OR2V1: variants seen among roughly 807,000 people sequenced by gnomAD.
The protein encoded by OR2V1 is olfactory receptor family 2 subfamily V member 1.
A neutral mutation model predicts 15.0 loss-of-function variants in OR2V1; 18 were observed. The ratio of observed to expected loss-of-function variants is 1.20; its 90% CI spans 0.83 to 1.78. The LOEUF is 1.78. Ranked by LOEUF, OR2V1 falls within the 40% of genes most tolerant of loss-of-function variation. The probability of loss-of-function intolerance (pLI) is 0.00; values close to 1 mark genes in which losing one functional copy is unlikely to be tolerated. For synonymous variants in OR2V1, 144 were observed against 146.1 expected (o/e 0.99, Z 0.10); for missense variants, 359 against 392.9 (o/e 0.91, Z 0.73).
At chr5:181,127,213 G>T (rs1762886458) in intron 3 of OR2V1, among the ~76,000 whole-genome samples, 1 of 152,230 alleles carries the variant, frequency 6.6e-6, no homozygotes. Context: ...CCAGAATGGT[G>T]CCTGGCTCAT....
Position 181,124,885 on chromosome 5 carries a change from C to T in OR2V1, c.420G>A (p.Arg140=). Residue 140 remains arginine, a synonymous_variant, in exon 4 of 4, where the codon AGG becomes AGA. Coordinates refer to ENST00000641551, the MANE Select transcript of OR2V1 (RefSeq NM_001258283.2). ...PLHYPILMNQ[R]VCLQITGSSW... ...AGCTCCCAGTAATCTGGAGACAGAC[C>T]CTCTGATTCATGAGGATGGGATAGT... is the stretch of plus-strand genomic sequence containing the variant. The T allele has an allele frequency of 1.9e-6, 3 of 1,612,518 alleles. No individual in the cohort carries two copies. The highest frequency in any genetic ancestry group is 2.2e-5 in the East Asian group (1 of 44,852).
intron 3 of OR2V1, 93 bp downstream of exon 3, chr5:181,129,427 A>G (rs1277440909): frequency 6.6e-6 from 1 of 151,824 alleles, no homozygotes; most frequent in Admixed American, 6.6e-5. Flanking sequence ...ACAGGAGCAA[A>G]TCTGTTCCCA....
chr5:181,124,634 C>T lies in OR2V1; in HGVS notation c.671G>A (p.Gly224Glu), dbSNP rs761677562. 2.0e-5 allele frequency: 33 copies of T among 1,613,544 alleles called. No individual in the cohort carries two copies. The African/African-American group carries it at 2.9e-4, about 14-fold the overall frequency. ...IIMASYACIL[G>E]AVLRIRSAQA... ...AGCAGAGCGTATTCGGAGCACAGCCCCTAGGATGCAAGCATAGGAGGCCAT... is the reference window on the plus strand; with the variant it reads ...AGCAGAGCGTATTCGGAGCACAGCCTCTAGGATGCAAGCATAGGAGGCCAT... Residue 224 changes from glycine to glutamate, a missense_variant, in exon 4 of 4, where the codon GGG becomes GAG. By Grantham distance (98) the Gly-to-Glu change is moderately conservative. Transcript: ENST00000641551.
chr5:181,125,263 G>A lies in OR2V1; in HGVS notation c.42C>T (p.Phe14=). 6.2e-7 allele frequency: 1 copy of A among 1,613,842 alleles called. No homozygotes were observed. The highest frequency in any genetic ancestry group is 2.2e-5 in the East Asian group (1 of 44,890). The change falls in exon 4 of 4, where the codon TTC becomes TTT. Residue 14 remains phenylalanine (F), a synonymous_variant. Transcript: ENST00000641551. ...GGCTGTGGGAAAAGATGCCCAAGAG[G>A]AAGAAGCCATCTGTGTAGGACTGGT... The part of the protein sequence containing the change: ...WVNQSYTDGF[F]LLGIFSHSQT...
chr5:181,125,648 C>T (rs534542742), intron 3 of OR2V1, among the ~76,000 whole-genome samples: 1 of 152,344 alleles, frequency 6.6e-6, no homozygotes, highest in Non-Finnish European at 1.5e-5. Context: ...TCTAACATGC[C>T]TTGGTCTATT....
rs142575121 is a variant in OR2V1 at position 181,125,281 on chromosome 5, G to A, written c.24C>T (p.Ser8=). The change falls in exon 4 of 4, where the codon TCC becomes TCT. Residue 8 remains serine (S), a synonymous_variant. Coordinates refer to ENST00000641551, the MANE Select transcript of OR2V1 (RefSeq NM_001258283.2). The stretch of plus-strand genomic sequence containing the variant: ...CCAAGAGGAAGAAGCCATCTGTGTA[G>A]GACTGGTTCACCCATCTTCCCATGG... MGRWVNQ[S]YTDGFFLLGI... 3.1e-6 allele frequency: 5 copies of A among 1,613,192 alleles called. No homozygotes were observed. In the East Asian group the frequency reaches 1.1e-4, roughly 36 times the overall value.
Position 181,124,375 on chromosome 5 carries a change from C to T in OR2V1, c.930G>A (p.Arg310=). The change falls in exon 4 of 4, where the codon AGG becomes AGA. Residue 310 remains arginine (R), a synonymous_variant. Transcript: ENST00000641551. ...CTGGGGTTCAGTGCTGGCTGCCAAT[C>T]CTGCAGCGGTCCAGCCCCTTCCTCA... is the stretch of plus-strand genomic sequence containing the variant. ...GALRKGLDRC[R]IGSQH is the part of the protein sequence containing the mutation. The T allele has an allele frequency of 6.3e-7, 1 of 1,586,396 alleles. No individual in the cohort carries two copies. The highest frequency in any genetic ancestry group is 8.6e-7 in the Non-Finnish European group (1 of 1,165,550).
chr5:181,125,061 T>A lies in OR2V1; in HGVS notation c.244A>T (p.Met82Leu). ...CTGCCAGACAGGAAGTTGGCTGCCATCTTTGGCACAATGTTACAGACCAAC... is the reference window on the plus strand; with the variant it reads ...CTGCCAGACAGGAAGTTGGCTGCCAACTTTGGCACAATGTTACAGACCAAC... Reference protein sequence around the residue: ...LMLVCNIVPKMAANFLSGRKS... With the variant: ...LMLVCNIVPKLAANFLSGRKS... Residue 82 changes from methionine (M) to leucine (L), a missense_variant, in exon 4 of 4, where the codon ATG becomes TTG. Physicochemically the swap from Met to Leu is conservative, Grantham distance 15 (BLOSUM62 2). Transcript: ENST00000641551. 2 of 1,614,170 alleles carry A rather than the reference T, an allele frequency of 1.2e-6. No homozygotes were observed. Among genetic ancestry groups the A allele is most frequent in the Non-Finnish European group, 1.7e-6 (2 of 1,180,046 alleles).
At chr5:181,127,192 G>A (rs192376514) in intron 3 of OR2V1, among the ~76,000 whole-genome samples, 61 of 152,314 alleles carry the variant, frequency 4.0e-4, no homozygotes, top group Admixed American at 7.2e-4. Flanking sequence ...TCACCATGAC[G>A]TTGGCAGCCC....
Position 181,124,480 on chromosome 5 carries a change from G to C in OR2V1, c.825C>G (p.Ala275=). 6.2e-7 allele frequency: 1 copy of C among 1,614,018 alleles called. No individual in the cohort carries two copies. Among genetic ancestry groups the C allele is most frequent in the Non-Finnish European group, 8.5e-7 (1 of 1,179,976 alleles). Residue 275 remains alanine (A), a synonymous_variant, in exon 4 of 4, where the codon GCC becomes GCG. Transcript: ENST00000641551. The part of the protein sequence containing the change: ...RYRAPSHDKV[A]SIFYTVLTPM... ...GAGTAAGGACTGTGTAGAAGATAGA[G>C]GCCACCTTGTCATGGCTAGGGGCCC...
At chr5:181,125,413 A>G in intron 3 of OR2V1, 88 bp from the exon 4 acceptor site, 1 of 902,344 alleles carries the variant, frequency 1.1e-6, no homozygotes, top group Non-Finnish European at 1.7e-6. Context: ...GCTCTGAGAG[A>G]TGCAGGAGGA....
In OR2V1 at chr5:181,129,557, G is replaced by A. The variant is rs1471033344; in HGVS notation, c.-59C>T. The A allele has an allele frequency of 6.6e-6, 1 of 152,042 alleles. No individual in the cohort carries two copies. Among genetic ancestry groups the A allele is most frequent in the African/African-American group, 2.4e-5 (1 of 41,372 alleles). 9.4% of individuals were successfully genotyped at this position (152,042 alleles called of 1,614,324 possible). A position where few individuals can be genotyped will look rare whatever the true frequency, so the allele number is the denominator to read the frequency against. Reference sequence around the variant, plus strand: ...AGGCACCAGCCACTTGTGCCTCTCAGGACACAGACGGCAAGATCCTGTCTC... The same window carrying A: ...AGGCACCAGCCACTTGTGCCTCTCAAGACACAGACGGCAAGATCCTGTCTC... On this transcript the variant is annotated 5_prime_UTR_variant, in exon 3 of 4. Transcript: ENST00000641551.
At chr5:181,127,811 T>C (rs1038845727) in intron 3 of OR2V1, among the ~76,000 whole-genome samples, 2 of 149,036 alleles carry the variant, frequency 1.3e-5, no homozygotes, top group African/African-American at 5.0e-5. Context: ...ACAAACCAGG[T>C]TCCCCCAGAT....
In OR2V1 at chr5:181,124,040, AAT is replaced by A. The variant is rs1762835493; in HGVS notation, c.*315_*316del. 1 of 251,918 alleles carries A rather than the reference AAT, an allele frequency of 4.0e-6. No individual in the cohort carries two copies. Among genetic ancestry groups the A allele is most frequent in the South Asian group, 1.7e-4 (1 of 5,726 alleles). The allele number at this position is 251,918 out of a possible 1,614,324, so 15.6% of individuals were successfully genotyped here. Reference sequence around the variant, plus strand: ...AAAAAATAAAATAAAGAAAATAAAAAATAGAGTAAATTTAGTCCAAGGATGTC... The same window carrying A: ...AAAAAATAAAATAAAGAAAATAAAAAAGAGTAAATTTAGTCCAAGGATGTC... On this transcript the variant is annotated 3_prime_UTR_variant, in exon 4 of 4. Transcript: ENST00000641551.
intron 2 of OR2V1, 47 bp from the exon 3 acceptor site, chr5:181,129,622 T>C (rs2113330705): frequency 6.6e-6 from 1 of 152,380 alleles, no homozygotes; most frequent in African/African-American, 2.4e-5. Flanking sequence ...ACAGAATTTA[T>C]TCTTGCCTCT....
intron 3 of OR2V1, among the ~76,000 whole-genome samples, 169 bp downstream of exon 3, chr5:181,129,351 A>G (rs1762930064): frequency 6.6e-6 from 1 of 151,690 alleles, no homozygotes; most frequent in East Asian, 1.9e-4. Context: ...GTGAGCTACG[A>G]TCACACCACT....
At chr5:181,130,873 G>A (rs969821373) in intron 1 of OR2V1, among the ~76,000 whole-genome samples, 177 bp downstream of exon 1, 10 of 152,252 alleles carry the variant, frequency 6.6e-5, no homozygotes, top group Non-Finnish European at 1.2e-4. Flanking sequence ...GCCCTCATGG[G>A]GTCTCCATGT....
intron 3 of OR2V1, among the ~76,000 whole-genome samples, chr5:181,128,040 G>A (rs376431297): frequency 3.3e-5 from 5 of 152,032 alleles, no homozygotes; most frequent in African/African-American, 9.7e-5. Context: ...CCTCAGCTGT[G>A]TCACGGGCTT....
Position 181,125,117 on chromosome 5 carries a change from A to G in OR2V1, c.188T>C (p.Phe63Ser). 6.2e-7 allele frequency: 1 copy of G among 1,614,202 alleles called. No homozygotes were observed. Among genetic ancestry groups the G allele is most frequent in the African/African-American group, 1.3e-5 (1 of 75,044 alleles). The change falls in exon 4 of 4, where the codon TTC becomes TCC. Residue 63 changes from phenylalanine to serine, a missense_variant. Phe to Ser is a radical substitution (Grantham distance 155, BLOSUM62 -2). Transcript: ENST00000641551. ...GTCCATGAGGGAGAGCTGGCTGAGG[A>G]AGAAGTACATGGGGGTGTGAAGTCC... is the stretch of plus-strand genomic sequence containing the variant. ...DAGLHTPMYF[F>S]LSQLSLMDLM...
Sources: allele counts gnomAD v4.1 joint callset (sites outside exome capture counted in the v4.1 genomes callset), GRCh38; gene constraint gnomAD v4.1.1; transcripts MANE v1.5; gene names NCBI Gene and HGNC (gene_info 2026-07-23, HGNC 2026-07-21).